The following ADAMTS3 variants were observed in gnomAD, a reference collection of about 807,000 sequenced individuals.
ADAMTS3 encodes A disintegrin and metalloproteinase with thrombospondin motifs 3.
ADAMTS3 carries 73 observed loss-of-function variants against 129.0 expected under a neutral mutation model. The ratio of observed to expected loss-of-function variants is 0.57; its 90% CI spans 0.47 to 0.69. The LOEUF (loss-of-function observed/expected upper bound fraction) is 0.69. Among genes scored for constraint, ADAMTS3 ranks in the 30% least tolerant of loss-of-function variants. The probability of loss-of-function intolerance (pLI) is 0.00; values close to 1 mark genes in which losing one functional copy is unlikely to be tolerated. For missense variants in ADAMTS3, 1,457 were observed against 1,514.5 expected (o/e 0.96, Z 0.63); for synonymous variants, 477 against 510.8 (o/e 0.93, Z 0.89).
intron 3 of ADAMTS3, among the ~76,000 whole-genome samples, chr4:72,449,736 T>C (rs1419032105): frequency 6.6e-6 from 1 of 151,774 alleles, no homozygotes; most frequent in East Asian, 2.0e-4. Context: ...TACACAGCCA[T>C]ACAAGACTGG....
At chr4:72,424,240 C>T (rs1430569755) in intron 3 of ADAMTS3, among the ~76,000 whole-genome samples, 1 of 151,968 alleles carries the variant, frequency 6.6e-6, no homozygotes, top group East Asian at 1.9e-4. Flanking sequence ...AAAAAATAAA[C>T]GATAATGCCA....
At chr4:72,530,712 A>G (rs1189234291) in intron 3 of ADAMTS3, among the ~76,000 whole-genome samples, 1 of 92,920 alleles carries the variant, frequency 1.1e-5, no homozygotes, top group Non-Finnish European at 1.9e-5. Flanking sequence ...ATTATATATT[A>G]TATATAATAT....
chr4:72,446,409 C>T (rs1301865059), intron 3 of ADAMTS3, among the ~76,000 whole-genome samples: 2 of 151,566 alleles, frequency 1.3e-5, no homozygotes, highest in East Asian at 3.9e-4. Flanking sequence ...TGCCCCTGAA[C>T]TCGGCAGGAG....
chr4:72,298,496 G>C, intron 17 of ADAMTS3, 54 bp from the exon 18 acceptor site: 1 of 1,356,810 alleles, frequency 7.4e-7, no homozygotes, highest in African/African-American at 1.4e-5. Context: ...TAAATTTTGA[G>C]TGTAAAATTA....
At chr4:72,419,722 ACCC>A (rs1722396647) in intron 3 of ADAMTS3, among the ~76,000 whole-genome samples, 1 of 152,098 alleles carries the variant, frequency 6.6e-6, no homozygotes, top group South Asian at 2.1e-4. Context: ...AATACTGGAC[ACCC>A]CTGTAAGTAC....
intron 5 of ADAMTS3, among the ~76,000 whole-genome samples, chr4:72,335,602 C>G (rs1164615739): frequency 6.6e-6 from 1 of 151,860 alleles, no homozygotes; most frequent in African/African-American, 2.4e-5. Flanking sequence ...ATTAGCTTTA[C>G]CACCTTATCA....
rs1480197676 is a variant in ADAMTS3, at chr4:72,386,141, T to C, written c.661+28674A>G. On this transcript the variant is annotated intron_variant, in intron 4 of 21. Coordinates refer to ENST00000286657, the MANE Select transcript of ADAMTS3 (RefSeq NM_014243.3). ...ACTGAATTTCCTTGAAAAGCTTCCA[T>C]ACTCAGGAGATCTCACTCTTGGTAA... 5.9e-5 allele frequency among the ~76,000 whole-genome samples: 9 copies of C among 152,240 alleles called. No homozygotes were observed. The East Asian group carries it at 1.7e-3, about 29-fold the overall frequency.
chr4:72,485,219 A>G (rs1347696233), intron 3 of ADAMTS3, among the ~76,000 whole-genome samples: 2 of 152,172 alleles, frequency 1.3e-5, no homozygotes, highest in Non-Finnish European at 2.9e-5. Context: ...ATTTATCCAC[A>G]TATTCCAATA....
At chr4:72,566,028 G>A (rs1266062852) in intron 2 of ADAMTS3, among the ~76,000 whole-genome samples, 1 of 151,340 alleles carries the variant, frequency 6.6e-6, no homozygotes, top group Non-Finnish European at 1.5e-5. Flanking sequence ...CTTAAGAGTT[G>A]GTTAAAAAAA....
At chr4:72,430,037 AT>A (rs1722659306) in intron 3 of ADAMTS3, among the ~76,000 whole-genome samples, 1 of 152,042 alleles carries the variant, frequency 6.6e-6, no homozygotes, top group South Asian at 2.1e-4. Context: ...GCCTCAGGGC[AT>A]TTGAACCCTA....
chr4:72,550,830 A>G (rs1245823296), intron 2 of ADAMTS3, among the ~76,000 whole-genome samples: 1 of 152,174 alleles, frequency 6.6e-6, no homozygotes, highest in Non-Finnish European at 1.5e-5. Context: ...GAGATGAATC[A>G]AGCCCTTGTA....
chr4:72,400,971 A>T (rs1468714558), intron 4 of ADAMTS3, among the ~76,000 whole-genome samples: 1 of 149,686 alleles, frequency 6.7e-6, no homozygotes, highest in African/African-American at 2.4e-5. Flanking sequence ...AGGTGTACAC[A>T]CACTATGGTG....
At chr4:72,387,386 T>C (rs971150456) in intron 4 of ADAMTS3, among the ~76,000 whole-genome samples, 1 of 152,214 alleles carries the variant, frequency 6.6e-6, no homozygotes, top group Admixed American at 6.5e-5. Flanking sequence ...CTAAACCCCA[T>C]ACTCAATCAA....
intron 21 of ADAMTS3, 87 bp downstream of exon 21, chr4:72,288,664 A>G: frequency 1.2e-6 from 1 of 850,180 alleles, no homozygotes; most frequent in Non-Finnish European, 2.0e-6. Context: ...AAACAAATAT[A>G]AATTCTATAA....
chr4:72,445,255 C>T (rs1718221637), intron 3 of ADAMTS3, among the ~76,000 whole-genome samples: 1 of 151,602 alleles, frequency 6.6e-6, no homozygotes, highest in South Asian at 2.1e-4. Flanking sequence ...CAGGGATCTA[C>T]TTTGTATATA....
At position 72,318,680 on chromosome 4, in the gene ADAMTS3, G is replaced by A. The variant is rs1444138206; in HGVS notation, c.1377C>T (p.Asp459=). The change falls in exon 10 of 22, where the codon GAC becomes GAT. Residue 459 remains aspartate (D), a synonymous_variant. Coordinates refer to ENST00000286657, the MANE Select transcript of ADAMTS3 (RefSeq NM_014243.3). ...YIHSYDCLLD[D]PFDHDWPKLP... ...GTTTAGGCCAATCATGATCAAAAGGGTCATCAAGGAGACAGTCATAGGAAC... is the reference window on the plus strand; with the variant it reads ...GTTTAGGCCAATCATGATCAAAAGGATCATCAAGGAGACAGTCATAGGAAC... 6.8e-6 allele frequency: 11 copies of A among 1,613,570 alleles called. No individual in the cohort carries two copies. Among genetic ancestry groups the A allele is most frequent in the Non-Finnish European group, 9.3e-6 (11 of 1,179,740 alleles).
chr4:72,361,830 A>G (rs1416512762), intron 4 of ADAMTS3, among the ~76,000 whole-genome samples: 4 of 152,124 alleles, frequency 2.6e-5, no homozygotes, highest in African/African-American at 7.2e-5. Flanking sequence ...GAAACTGTAC[A>G]GCCTCCTACA....
At chr4:72,310,751 G>A (rs879291199) in intron 14 of ADAMTS3, among the ~76,000 whole-genome samples, 7 of 152,008 alleles carry the variant, frequency 4.6e-5, no homozygotes, top group Admixed American at 1.3e-4. Flanking sequence ...TAAAATACCC[G>A]AAGCAAATGC....
At chr4:72,515,919 T>C (rs1167121127) in intron 3 of ADAMTS3, among the ~76,000 whole-genome samples, 1 of 152,236 alleles carries the variant, frequency 6.6e-6, no homozygotes, top group Non-Finnish European at 1.5e-5. Flanking sequence ...TGCATGCCTA[T>C]GTCCTGAATG....
Sources: gnomAD v4.1 joint callset for allele counts (sites outside exome capture counted in the v4.1 genomes callset) on GRCh38, gnomAD v4.1.1 for gene constraint, MANE v1.5 for transcripts, NCBI Gene and HGNC (gene_info 2026-07-23, HGNC 2026-07-21) for gene names.